Variants in ZC2HC1B observed in about 807,000 individuals in gnomAD.
ZC2HC1B encodes zinc finger C2HC-type containing 1B, also known as zinc finger C2HC domain-containing protein 1B.
A neutral mutation model predicts 31.0 loss-of-function variants in ZC2HC1B; 36 were observed. The ratio of observed to expected loss-of-function variants is 1.16; its 90% CI spans 0.89 to 1.54. ZC2HC1B has a LOEUF of 1.54. Ranked by LOEUF, ZC2HC1B falls within the 40% of genes most tolerant of loss-of-function variation. The pLI is 0.00. For missense variants in ZC2HC1B, 260 were observed against 268.6 expected, an observed-to-expected ratio of 0.97 and a Z score of 0.22; for synonymous variants, 73 against 88.0, an observed-to-expected ratio of 0.83 and a Z score of 0.95.
chr6:143,932,488 C>T (rs188422678), intron 6 of ZC2HC1B, among the ~76,000 whole-genome samples: 3 of 152,258 alleles, frequency 2.0e-5, no homozygotes, highest in African/African-American at 7.2e-5. Context: ...CTAAGTGTGT[C>T]TTTCATTTCC....
At chr6:143,916,188 G>T (rs1020206793) in intron 6 of ZC2HC1B, among the ~76,000 whole-genome samples, 2 of 152,262 alleles carry the variant, frequency 1.3e-5, no homozygotes, top group African/African-American at 2.4e-5. Context: ...CCAAGGTACA[G>T]CTCAGGCTGT....
chr6:143,915,975 G>A lies in ZC2HC1B; in HGVS notation c.598+12823G>A, dbSNP rs1355450484. Among the ~76,000 whole-genome samples the A allele has an allele frequency of 6.6e-6, 1 of 152,212 alleles. No individual in the cohort carries two copies. Among genetic ancestry groups the A allele is most frequent in the African/African-American group, 2.4e-5 (1 of 41,452 alleles). Reference sequence around the variant, plus strand: ...CTGCAGAAATTTGTATAGGTAATGAGGAGCTGAATGTTAGTCCCCAAGACA... The same window carrying A: ...CTGCAGAAATTTGTATAGGTAATGAAGAGCTGAATGTTAGTCCCCAAGACA... On this transcript the variant is annotated intron_variant, in intron 6 of 7. Coordinates refer to ENST00000237275, the MANE Select transcript of ZC2HC1B (RefSeq NM_001013623.3). The surrounding 1 kb of genome is among the most constrained non-coding windows in gnomAD (Gnocchi z 5.2).
Position 143,872,646 on chromosome 6 carries a change from G to A in ZC2HC1B, c.28+8079G>A, listed in dbSNP as rs1298139358. ...CAGACTTACAGTTCCACATGGCTGG[G>A]GAGGCCTCAGAATCATGGCAGAAGG... is the stretch of plus-strand genomic sequence containing the variant. On this transcript the variant is annotated intron_variant, in intron 1 of 7. Coordinates refer to ENST00000237275, the MANE Select transcript of ZC2HC1B (RefSeq NM_001013623.3). The surrounding 1 kb of genome is among the most constrained non-coding windows in gnomAD (Gnocchi z 5.5). 6.6e-6 allele frequency among the ~76,000 whole-genome samples: 1 copy of A among 152,150 alleles called. No individual in the cohort carries two copies. Among genetic ancestry groups the A allele is most frequent in the Non-Finnish European group, 1.5e-5 (1 of 68,030 alleles).
At chr6:143,864,657 T>C in intron 1 of ZC2HC1B, 90 bp downstream of exon 1, 2 of 1,358,338 alleles carry the variant, frequency 1.5e-6, no homozygotes, top group Non-Finnish European at 2.1e-6. Flanking sequence ...AGGTATTAGC[T>C]TGTTCTACCA....
Position 143,872,642 on chromosome 6 carries a change from C to T in ZC2HC1B, c.28+8075C>T, listed in dbSNP as rs1022029001. Among the ~76,000 whole-genome samples the T allele has an allele frequency of 2.0e-5, 3 of 152,168 alleles. No homozygotes were observed. The highest frequency in any genetic ancestry group is 4.4e-5 in the Non-Finnish European group (3 of 68,030). On this transcript the variant is annotated intron_variant, in intron 1 of 7. Coordinates refer to ENST00000237275, the MANE Select transcript of ZC2HC1B (RefSeq NM_001013623.3). This position sits in a 1 kb window ranked among gnomAD's most constrained non-coding sequence, Gnocchi z 5.5. Reference sequence around the variant, plus strand: ...TAATCAGACTTACAGTTCCACATGGCTGGGGAGGCCTCAGAATCATGGCAG... The same window carrying T: ...TAATCAGACTTACAGTTCCACATGGTTGGGGAGGCCTCAGAATCATGGCAG...
At chr6:143,891,086 G>A (rs180965303) in intron 4 of ZC2HC1B, among the ~76,000 whole-genome samples, 22 of 145,816 alleles carry the variant, frequency 1.5e-4, no homozygotes, top group African/African-American at 2.3e-4. Context: ...AGCTGAGATC[G>A]CACCACTGCA....
At chr6:143,928,582 A>G (rs1215124760) in intron 6 of ZC2HC1B, among the ~76,000 whole-genome samples, 1 of 152,014 alleles carries the variant, frequency 6.6e-6, no homozygotes, top group Non-Finnish European at 1.5e-5. Context: ...TTTCAGTTCC[A>G]TATGAATTTT....
At chr6:143,925,165 CTTTTT>C (rs71024879) in intron 6 of ZC2HC1B, among the ~76,000 whole-genome samples, 3 of 104,188 alleles carry the variant, frequency 2.9e-5, no homozygotes, top group African/African-American at 4.0e-5. Flanking sequence ...AATCTCATTC[CTTTTT>C]TTTTTTTTTT....
At chr6:143,894,134 C>T (rs1777634698) in intron 4 of ZC2HC1B, among the ~76,000 whole-genome samples, 1 of 151,998 alleles carries the variant, frequency 6.6e-6, no homozygotes, top group South Asian at 2.1e-4. Flanking sequence ...AAACTGGAAA[C>T]AACTGAAAAT....
Position 143,937,752 on chromosome 6 carries a change from C to A in ZC2HC1B, c.*14+19C>A. 1 of 1,514,366 alleles carries A rather than the reference C, an allele frequency of 6.6e-7. No homozygotes were observed. The highest frequency in any genetic ancestry group is 1.2e-5 in the South Asian group (1 of 80,968). The allele number at this position is 1,514,366 out of a possible 1,614,324, so 93.8% of individuals were successfully genotyped here. A position where few individuals can be genotyped will look rare whatever the true frequency, so the allele number is the denominator to read the frequency against. On this transcript the variant is annotated intron_variant, in intron 7 of 7. Coordinates refer to ENST00000237275, the MANE Select transcript of ZC2HC1B (RefSeq NM_001013623.3). ...AAGCCAGGTAAGAAAAAAAAATCAC[C>A]GCTAATCCAGCTGTTGCTGACCAGT...
chr6:143,907,790 A>G (rs1319085699), intron 6 of ZC2HC1B, among the ~76,000 whole-genome samples: 1 of 152,108 alleles, frequency 6.6e-6, no homozygotes, highest in Non-Finnish European at 1.5e-5. Context: ...ACTAGATCCC[A>G]TTTGTCAATT....
intron 1 of ZC2HC1B, among the ~76,000 whole-genome samples, chr6:143,878,021 A>G (rs538659556): frequency 2.7e-5 from 4 of 150,912 alleles, no homozygotes; most frequent in Non-Finnish European, 5.9e-5. Context: ...AGACATGCAT[A>G]CATATATAGC....
chr6:143,906,316 G>A lies in ZC2HC1B; in HGVS notation c.598+3164G>A, dbSNP rs141087695. Among the ~76,000 whole-genome samples, 915 of 151,598 alleles carry A rather than the reference G, an allele frequency of 6.0e-3. 2 individuals carry two copies. The highest frequency in any genetic ancestry group is 7.1e-3 in the Non-Finnish European group (481 of 67,832). Reference sequence around the variant, plus strand: ...TTCATCTAGGTTCTCCAATTTTTTGGTATATATTTTTTCATAATACTCTCA... The same window carrying A: ...TTCATCTAGGTTCTCCAATTTTTTGATATATATTTTTTCATAATACTCTCA... On this transcript the variant is annotated intron_variant, in intron 6 of 7. Coordinates refer to ENST00000237275, the MANE Select transcript of ZC2HC1B (RefSeq NM_001013623.3).
At chr6:143,874,091 A>G (rs1777378577) in intron 1 of ZC2HC1B, among the ~76,000 whole-genome samples, 1 of 152,076 alleles carries the variant, frequency 6.6e-6, no homozygotes, top group South Asian at 2.1e-4. Flanking sequence ...CTGCTTAGAA[A>G]TTTCTTCCAC....
intron 4 of ZC2HC1B, among the ~76,000 whole-genome samples, chr6:143,891,214 C>T (rs1562340404): frequency 6.6e-6 from 1 of 150,924 alleles, no homozygotes; most frequent in East Asian, 1.9e-4. Context: ...AAAATATATG[C>T]AGAACCTATA....
Position 143,922,318 on chromosome 6 carries a change from C to CA in ZC2HC1B, c.599-15331_599-15330insA, listed in dbSNP as rs1777992586. 6.6e-6 allele frequency among the ~76,000 whole-genome samples: 1 copy of CA among 152,092 alleles called. No homozygotes were observed. The highest frequency in any genetic ancestry group is 6.6e-5 in the Admixed American group (1 of 15,266). On this transcript the variant is annotated intron_variant, in intron 6 of 7. Transcript: ENST00000237275. The surrounding 1 kb of genome is among the most constrained non-coding windows in gnomAD (Gnocchi z 5.0). ...CCTCAAACATTTATTATTTATTTGA[C>CA]TTGGGAACATTTCAAATCTTCTTTT...
intron 1 of ZC2HC1B, among the ~76,000 whole-genome samples, chr6:143,881,538 G>A (rs1228973482): frequency 9.0e-6 from 1 of 111,280 alleles, no homozygotes; most frequent in South Asian, 2.9e-4. Context: ...GTGAAAGACC[G>A]AGACCCTGTC....
chr6:143,935,646 C>CCTT, intron 6 of ZC2HC1B, among the ~76,000 whole-genome samples: 1 of 55,854 alleles, frequency 1.8e-5, no homozygotes, highest in South Asian at 9.6e-4. Context: ...TGGTATCACT[C>CCTT]TTTTTTTTTT....
chr6:143,910,813 G>A (rs1315270985), intron 6 of ZC2HC1B, among the ~76,000 whole-genome samples: 1 of 152,110 alleles, frequency 6.6e-6, no homozygotes, highest in Non-Finnish European at 1.5e-5. Context: ...GAGTGCAGTG[G>A]CACGATCTTG....
Sources: allele counts gnomAD v4.1 joint callset (sites outside exome capture counted in the v4.1 genomes callset), GRCh38; gene constraint gnomAD v4.1.1; non-coding constraint Gnocchi (gnomAD v3.1); transcripts MANE v1.5; gene names NCBI Gene and HGNC (gene_info 2026-07-23, HGNC 2026-07-21).